PRKAG2: variants seen among roughly 807,000 people sequenced by gnomAD.
PRKAG2 encodes the protein 5'-AMP-activated protein kinase subunit gamma-2.
A neutral mutation model predicts 69.6 loss-of-function variants in PRKAG2; 26 were observed. The observed-to-expected ratio is 0.37, with a 90% CI of 0.27 to 0.52. The LOEUF is 0.52. PRKAG2 is among the 20% of genes least tolerant of loss of function. The pLI, the probability that PRKAG2 is intolerant of heterozygous loss-of-function variation, is 0.90. For missense variants in PRKAG2, 557 were observed against 740.0 expected, an observed-to-expected ratio of 0.75 and a Z score of 2.87; for synonymous variants, 293 against 285.0, an observed-to-expected ratio of 1.03 and a Z score of -0.28.
chr7:151,794,828 G>A (rs997176205), intron 1 of PRKAG2, among the ~76,000 whole-genome samples: 16 of 152,222 alleles, frequency 1.1e-4, no homozygotes, highest in Non-Finnish European at 1.9e-4. Flanking sequence ...CTCTGTCCTC[G>A]TGCAAAGGGC....
intron 1 of PRKAG2, among the ~76,000 whole-genome samples, chr7:151,815,384 A>G (rs1398298342): frequency 6.6e-6 from 1 of 151,986 alleles, no homozygotes; most frequent in East Asian, 1.9e-4. Context: ...TGCTTTTCCT[A>G]TGCAAGCCAA....
At chr7:151,820,401 CCTGTGGCTTCTGCAGGGCA>C (rs905283837) in intron 1 of PRKAG2, among the ~76,000 whole-genome samples, 4 of 138,270 alleles carry the variant, frequency 2.9e-5, no homozygotes, top group Admixed American at 2.8e-4. Flanking sequence ...GGGCCCGGCC[CCTGTGGCTTCTGCAGGGCA>C]CACTCTACTC....
At chr7:151,628,721 T>C (rs542339120) in intron 5 of PRKAG2, among the ~76,000 whole-genome samples, 1 of 124,256 alleles carries the variant, frequency 8.0e-6, no homozygotes, top group South Asian at 2.3e-4. Flanking sequence ...GAGGGAAAAA[T>C]TGCTATGGGC....
chr7:151,660,430 C>T (rs1273185843), intron 4 of PRKAG2, among the ~76,000 whole-genome samples: 3 of 152,150 alleles, frequency 2.0e-5, no homozygotes, highest in South Asian at 2.1e-4. Flanking sequence ...TGAAATTGCA[C>T]GATTTGTATC....
At chr7:151,787,290 G>C (rs1486299481) in intron 1 of PRKAG2, among the ~76,000 whole-genome samples, 2 of 152,138 alleles carry the variant, frequency 1.3e-5, no homozygotes, top group African/African-American at 4.8e-5. Context: ...TGACACTGCT[G>C]TGTAGCCGTC....
At chr7:151,680,601 T>C (rs1400081490) in intron 3 of PRKAG2, among the ~76,000 whole-genome samples, 2 of 152,228 alleles carry the variant, frequency 1.3e-5, no homozygotes, top group African/African-American at 4.8e-5. Flanking sequence ...ACTTTCATCA[T>C]ATCCCCTTTT....
At chr7:151,687,300 T>C (rs1415400108) in intron 3 of PRKAG2, among the ~76,000 whole-genome samples, 3 of 149,238 alleles carry the variant, frequency 2.0e-5, no homozygotes, top group East Asian at 1.9e-4. Context: ...ACAGCAGATA[T>C]GCATCTTGAT....
chr7:151,645,624 T>C (rs915565423), intron 4 of PRKAG2, among the ~76,000 whole-genome samples: 2 of 152,216 alleles, frequency 1.3e-5, no homozygotes, highest in Admixed American at 1.3e-4. Flanking sequence ...GTCAGACACA[T>C]GTACTGTGAA....
intron 3 of PRKAG2, among the ~76,000 whole-genome samples, chr7:151,678,974 A>G (rs770481459): frequency 6.6e-6 from 1 of 151,820 alleles, no homozygotes; most frequent in Non-Finnish European, 1.5e-5. Context: ...AAAAAAAAAG[A>G]AAAAAAAGAA....
At chr7:151,721,563 A>G (rs1250310948) in intron 3 of PRKAG2, among the ~76,000 whole-genome samples, 1 of 152,072 alleles carries the variant, frequency 6.6e-6, no homozygotes, top group African/African-American at 2.4e-5. Context: ...ATGGTCACCT[A>G]ATGTCCCCCT....
At chr7:151,747,673 GT>G (rs1235574109) in intron 3 of PRKAG2, among the ~76,000 whole-genome samples, 1 of 152,176 alleles carries the variant, frequency 6.6e-6, no homozygotes, top group Non-Finnish European at 1.5e-5. Flanking sequence ...TATCTAGAAA[GT>G]TAGCTCACGT....
intron 1 of PRKAG2, among the ~76,000 whole-genome samples, chr7:151,802,499 G>C (rs1432813728): frequency 6.6e-6 from 1 of 152,130 alleles, no homozygotes; most frequent in Non-Finnish European, 1.5e-5. Flanking sequence ...CACAGGTGGA[G>C]GGGAAACCGA....
Position 151,814,526 on chromosome 7 carries a change from G to A in PRKAG2, c.115-27985C>T. 1 of 1,231,402 alleles carries A rather than the reference G, an allele frequency of 8.1e-7. No individual in the cohort carries two copies. Among genetic ancestry groups the A allele is most frequent in the East Asian group, 3.2e-5 (1 of 31,696 alleles). The allele number at this position is 1,231,402 out of a possible 1,614,324, so 76.3% of individuals were successfully genotyped here. ...GTGACGGGGACGGGCGGCACTCCCAGCTCTGACAAATCCTGCTGCCTCACT... is the reference window on the plus strand; with the variant it reads ...GTGACGGGGACGGGCGGCACTCCCAACTCTGACAAATCCTGCTGCCTCACT... On this transcript the variant is annotated intron_variant, in intron 1 of 15. Coordinates refer to ENST00000287878, the MANE Select transcript of PRKAG2 (RefSeq NM_016203.4). The surrounding 1 kb of genome is among the most constrained non-coding windows in gnomAD (Gnocchi z 4.8).
At chr7:151,845,990 C>G (rs906763654) in intron 1 of PRKAG2, among the ~76,000 whole-genome samples, 11 of 152,184 alleles carry the variant, frequency 7.2e-5, no homozygotes, top group Non-Finnish European at 1.5e-4. Context: ...TGGAGGAGCC[C>G]TCCTCAACAG....
chr7:151,808,307 CT>C (rs923970541), intron 1 of PRKAG2, among the ~76,000 whole-genome samples: 2 of 151,686 alleles, frequency 1.3e-5, no homozygotes, highest in Non-Finnish European at 2.9e-5. Flanking sequence ...ACTCTGGATT[CT>C]TTTTTTTTCT....
At chr7:151,863,206 C>T (rs561508036) in intron 1 of PRKAG2, among the ~76,000 whole-genome samples, 38 of 150,306 alleles carry the variant, frequency 2.5e-4, no homozygotes, top group African/African-American at 9.1e-4. Flanking sequence ...GGTAGGTCCC[C>T]GGGTAGAGGC....
intron 1 of PRKAG2, among the ~76,000 whole-genome samples, chr7:151,841,927 T>G (rs897105960): frequency 6.8e-6 from 1 of 147,634 alleles, no homozygotes; most frequent in Non-Finnish European, 1.5e-5. Flanking sequence ...TAGGTAGTCA[T>G]GGTAGTGTTG....
chr7:151,737,063 GA>G (rs141476772), intron 3 of PRKAG2, among the ~76,000 whole-genome samples: 2 of 151,996 alleles, frequency 1.3e-5, no homozygotes, highest in African/African-American at 2.4e-5. Flanking sequence ...GCAAAAGATA[GA>G]AAAAAAATCC....
rs1443243810 is a variant in PRKAG2 at position 151,814,924 on chromosome 7, AAGACAGGCAGCAGGATGGAGGG to A, written c.115-28405_115-28384del. 1 of 1,206,466 alleles carries A rather than the reference AAGACAGGCAGCAGGATGGAGGG, an allele frequency of 8.3e-7. No homozygotes were observed. The highest frequency in any genetic ancestry group is 3.2e-5 in the East Asian group (1 of 31,578). 74.7% of individuals were successfully genotyped at this position (1,206,466 alleles called of 1,614,324 possible). A position where few individuals can be genotyped will look rare whatever the true frequency, so the allele number is the denominator to read the frequency against. On this transcript the variant is annotated intron_variant, in intron 1 of 15. Coordinates refer to ENST00000287878, the MANE Select transcript of PRKAG2 (RefSeq NM_016203.4). This position sits in a 1 kb window ranked among gnomAD's most constrained non-coding sequence, Gnocchi z 4.8. ...GGAGGGCTGGACCGGAGCTTTTAAA[AAGACAGGCAGCAGGATGGAGGG>A]AGGCAGGAGCAGAGGCCGATGATGC... is the stretch of plus-strand genomic sequence containing the variant.
Sources: allele counts gnomAD v4.1 joint callset (sites outside exome capture counted in the v4.1 genomes callset), GRCh38; gene constraint gnomAD v4.1.1; non-coding constraint Gnocchi (gnomAD v3.1); transcripts MANE v1.5; gene names NCBI Gene and HGNC (gene_info 2026-07-23, HGNC 2026-07-21).